Variants in RIMS2 observed in about 807,000 individuals in gnomAD.
The protein encoded by RIMS2 is regulating synaptic membrane exocytosis protein 2.
Under a neutral mutation model 174.4 loss-of-function variants are expected in RIMS2, and 59 were observed. The observed-to-expected ratio is 0.34, with a 90% CI of 0.27 to 0.42. The LOEUF is 0.42. Ranked by LOEUF, RIMS2 falls within the 10% of genes least tolerant of loss-of-function variation. RIMS2 has a pLI of 1.00. For synonymous variants in RIMS2, 606 were observed against 572.5 expected (o/e 1.06, Z -0.84); for missense variants, 1,620 against 1,666.3 (o/e 0.97, Z 0.48).
chr8:103,877,452 A>G (rs1207346251), intron 3 of RIMS2, among the ~76,000 whole-genome samples: 2 of 151,402 alleles, frequency 1.3e-5, no homozygotes, highest in African/African-American at 4.8e-5. Flanking sequence ...GTTATTAGTC[A>G]TTTGTCAGAT....
At chr8:103,624,665 C>T (rs1049597708) in intron 1 of RIMS2, among the ~76,000 whole-genome samples, 13 of 152,088 alleles carry the variant, frequency 8.5e-5, no homozygotes, top group African/African-American at 2.9e-4. Flanking sequence ...GGATTTTATT[C>T]TATTTAATAC....
intron 3 of RIMS2, among the ~76,000 whole-genome samples, chr8:103,812,352 T>TTTTG (rs1554843443): frequency 2.2e-4 from 33 of 148,462 alleles, no homozygotes; most frequent in African/African-American, 4.8e-4. Context: ...TTTTTTTTTT[T>TTTTG]TTGTTGTTGT....
chr8:103,909,341 GAGCAAATA>G (rs1162809017), intron 4 of RIMS2, among the ~76,000 whole-genome samples: 2 of 151,868 alleles, frequency 1.3e-5, no homozygotes, highest in African/African-American at 4.8e-5. Flanking sequence ...TTGAAATACT[GAGCAAATA>G]AGCATGTAAG....
chr8:103,690,678 T>C (rs187770017), intron 1 of RIMS2, among the ~76,000 whole-genome samples: 1 of 152,230 alleles, frequency 6.6e-6, no homozygotes, highest in African/African-American at 2.4e-5. Flanking sequence ...AAAGTTTTTG[T>C]AGTTACTATT....
chr8:103,910,916 T>G (rs1055354492), intron 5 of RIMS2, among the ~76,000 whole-genome samples: 3 of 152,198 alleles, frequency 2.0e-5, no homozygotes, highest in Admixed American at 6.5e-5. Context: ...ATTAAATTAT[T>G]AATAGTTTGA....
intron 2 of RIMS2, among the ~76,000 whole-genome samples, chr8:103,700,232 G>A (rs764777552): frequency 2.6e-5 from 4 of 152,010 alleles, no homozygotes; most frequent in Non-Finnish European, 5.9e-5. Context: ...ATAGTTTTAT[G>A]TATTTTTAGC....
At chr8:103,599,153 T>TA (rs1442627749) in intron 1 of RIMS2, among the ~76,000 whole-genome samples, 1 of 152,032 alleles carries the variant, frequency 6.6e-6, no homozygotes, top group Non-Finnish European at 1.5e-5. Context: ...TGCTACTACT[T>TA]ACAGTTGTAC....
At chr8:103,981,999 A>G (rs534294836) in intron 16 of RIMS2, among the ~76,000 whole-genome samples, 2 of 152,270 alleles carry the variant, frequency 1.3e-5, no homozygotes, top group Non-Finnish European at 2.9e-5. Flanking sequence ...AAGTTGACAA[A>G]CTTTCAGCCA....
intron 19 of RIMS2, among the ~76,000 whole-genome samples, chr8:104,183,056 A>T (rs928130251): frequency 3.3e-5 from 5 of 151,864 alleles, no homozygotes; most frequent in Admixed American, 2.6e-4. Context: ...AGAAGTGACT[A>T]AAACTTTTAC....
intron 3 of RIMS2, among the ~76,000 whole-genome samples, chr8:103,785,220 G>A (rs932602386): frequency 9.5e-5 from 14 of 146,874 alleles, no homozygotes; most frequent in Non-Finnish European, 1.3e-4. Flanking sequence ...TGCAAACAGG[G>A]ACAATTTGAC....
At chr8:103,936,955 G>A (rs980161467) in intron 13 of RIMS2, among the ~76,000 whole-genome samples, 10 of 151,860 alleles carry the variant, frequency 6.6e-5, no homozygotes, top group African/African-American at 9.7e-5. Context: ...TAAATTAGCC[G>A]GGCATGGTGG....
At chr8:103,549,602 T>A (rs1375220843) in intron 1 of RIMS2, among the ~76,000 whole-genome samples, 1 of 152,096 alleles carries the variant, frequency 6.6e-6, no homozygotes, top group Non-Finnish European at 1.5e-5. Context: ...AATGACAGGA[T>A]CAAATTCACA....
intron 3 of RIMS2, among the ~76,000 whole-genome samples, chr8:103,844,038 C>A (rs1280244923): frequency 6.6e-6 from 1 of 152,128 alleles, no homozygotes; most frequent in East Asian, 1.9e-4. Flanking sequence ...AGTTTCCCTG[C>A]ACAAGCTTTA....
Position 103,775,482 on chromosome 8 carries a change from G to A in RIMS2, c.698+8945G>A, listed in dbSNP as rs117519053. On this transcript the variant is annotated intron_variant, in intron 3 of 23. Coordinates refer to ENST00000504942, the Ensembl canonical transcript of RIMS2. Reference sequence around the variant, plus strand: ...TTCTTCTTATACTTTTTAGAATACAGGTGAAACAAAAAGGCAACAAAGATG... The same window carrying A: ...TTCTTCTTATACTTTTTAGAATACAAGTGAAACAAAAAGGCAACAAAGATG... Among the ~76,000 whole-genome samples the A allele has an allele frequency of 7.4e-3, 1,118 of 151,844 alleles. 9 individuals carry two copies. The highest frequency in any genetic ancestry group is 0.011 in the Non-Finnish European group (739 of 67,936).
intron 13 of RIMS2, among the ~76,000 whole-genome samples, chr8:103,940,850 T>C (rs1174884603): frequency 7.1e-6 from 1 of 140,058 alleles, no homozygotes; most frequent in Non-Finnish European, 1.5e-5. Flanking sequence ...CACTCCAGCC[T>C]GGGCGACAGA....
chr8:103,614,743 C>T (rs892550145), intron 1 of RIMS2, among the ~76,000 whole-genome samples: 2 of 152,206 alleles, frequency 1.3e-5, no homozygotes, highest in African/African-American at 4.8e-5. Flanking sequence ...CTTAGTATAT[C>T]TTTCTACCTC....
At chr8:103,707,054 T>A (rs1479725670) in intron 2 of RIMS2, among the ~76,000 whole-genome samples, 2 of 152,186 alleles carry the variant, frequency 1.3e-5, no homozygotes, top group African/African-American at 4.8e-5. Flanking sequence ...CTTCATCAAT[T>A]CCACACGGAG....
intron 1 of RIMS2, among the ~76,000 whole-genome samples, chr8:103,558,446 A>C (rs775911672): frequency 2.6e-5 from 4 of 151,984 alleles, no homozygotes; most frequent in Non-Finnish European, 5.9e-5. Flanking sequence ...GTGGTCTCAA[A>C]CTCCAGGCCT....
At chr8:103,552,485 C>G (rs1848463571) in intron 1 of RIMS2, among the ~76,000 whole-genome samples, 1 of 152,116 alleles carries the variant, frequency 6.6e-6, no homozygotes, top group Admixed American at 6.6e-5. Flanking sequence ...AGACCTAAAA[C>G]CATAAAAACG....
Sources: allele counts gnomAD v4.1 joint callset (sites outside exome capture counted in the v4.1 genomes callset), GRCh38; gene constraint gnomAD v4.1.1; transcripts MANE v1.5; gene names NCBI Gene and HGNC (gene_info 2026-07-23, HGNC 2026-07-21).